Variants in MED13L observed in about 807,000 individuals in gnomAD.
The protein encoded by MED13L is mediator complex subunit 13L.
MED13L carries 7 observed loss-of-function variants against 220.9 expected under a neutral mutation model. The ratio of observed to expected loss-of-function variants is 0.03; its 90% CI spans 0.02 to 0.06. The LOEUF is 0.06. Among genes scored for constraint, MED13L ranks in the 10% least tolerant of loss-of-function variants. The pLI is 1.00. For missense variants in MED13L, 1,965 were observed against 2,760.5 expected, an observed-to-expected ratio of 0.71 and a Z score of 6.46; for synonymous variants, 1,011 against 1,015.2, an observed-to-expected ratio of 1.00 and a Z score of 0.08.
chr12:115,964,526 T>C (rs1876004067), intron 29 of MED13L, among the ~76,000 whole-genome samples: 1 of 152,234 alleles, frequency 6.6e-6, no homozygotes, highest in Non-Finnish European at 1.5e-5. Context: ...TAAATGCTTC[T>C]TTCTCTTTAT....
At chr12:116,111,281 TAGAAAG>T (rs1874056616) in intron 3 of MED13L, 141 bp downstream of exon 3, 1 of 700,498 alleles carries the variant, frequency 1.4e-6, no homozygotes, top group Non-Finnish European at 2.5e-6. Flanking sequence ...ATTATATCAA[TAGAAAG>T]AGAAACTAAA....
intron 3 of MED13L, 57 bp from the exon 4 acceptor site, chr12:116,096,809 G>A (rs373302551): frequency 9.1e-5 from 117 of 1,291,184 alleles, no homozygotes; most frequent in African/African-American, 9.1e-4. Context: ...TTAGTAAGTC[G>A]CTGAAGCAAT....
chr12:116,049,625 T>C (rs772023385), intron 4 of MED13L, among the ~76,000 whole-genome samples: 12 of 152,202 alleles, frequency 7.9e-5, no homozygotes, highest in Non-Finnish European at 1.3e-4. Flanking sequence ...GTTAAGGATT[T>C]ACAAACATTC....
At chr12:116,157,498 C>T (rs1401984818) in intron 2 of MED13L, among the ~76,000 whole-genome samples, 2 of 152,208 alleles carry the variant, frequency 1.3e-5, no homozygotes, top group African/African-American at 4.8e-5. Flanking sequence ...ACACTTTATG[C>T]CATATACAAG....
rs574079603 is a variant in MED13L, at chr12:115,991,599, C to T, written c.3355G>A (p.Val1119Met). The T allele has an allele frequency of 1.2e-5, 19 of 1,613,958 alleles. No individual in the cohort carries two copies. The highest frequency in any genetic ancestry group is 2.2e-5 in the South Asian group (2 of 91,076). The stretch of plus-strand genomic sequence containing the variant: ...TTTCTGTCTTTAAAGATATTCATCA[C>T]GGAATCGGAGAGAATCAGGGTAACA... ...LYVTLILSDS[V>M]MNIFKDRNFD... The change falls in exon 17 of 31, where the codon GTG becomes ATG. Residue 1119 changes from valine (V) to methionine (M), a missense_variant. Val to Met is a conservative substitution (Grantham distance 21, BLOSUM62 1). Coordinates refer to ENST00000281928, the MANE Select transcript of MED13L (RefSeq NM_015335.5). The surrounding 1 kb of genome is among the most constrained non-coding windows in gnomAD (Gnocchi z 7.7).
chr12:116,095,315 T>C (rs931351429), intron 4 of MED13L, among the ~76,000 whole-genome samples: 7 of 152,174 alleles, frequency 4.6e-5, no homozygotes, highest in African/African-American at 1.4e-4. Flanking sequence ...CCCATACACA[T>C]TGCTACTTTT....
At position 115,996,634 on chromosome 12, in the gene MED13L, T is replaced by A. The variant is rs1878424145; in HGVS notation, c.2838A>T (p.Gly946=). 5 of 1,614,014 alleles carry A rather than the reference T, an allele frequency of 3.1e-6. No individual in the cohort carries two copies. The highest frequency in any genetic ancestry group is 4.2e-6 in the Non-Finnish European group (5 of 1,179,978). The change falls in exon 16 of 31, where the codon GGA becomes GGT. Residue 946 remains glycine (G), a synonymous_variant. Coordinates refer to ENST00000281928, the MANE Select transcript of MED13L (RefSeq NM_015335.5). ...HKVPSFQPFV[G]SSMFAPLKML... is the part of the protein sequence containing the mutation. ...TCTTCAGTGGAGCAAACATGGAGGA[T>A]CCCACAAAAGGTTGAAAGGATGGAA...
chr12:116,041,252 G>A lies in MED13L; in HGVS notation c.480-18651C>T, dbSNP rs188636848. 1.9e-3 allele frequency among the ~76,000 whole-genome samples: 290 copies of A among 152,246 alleles called. 2 individuals carry two copies. Among genetic ancestry groups the A allele is most frequent in the Admixed American group, 0.012 (190 of 15,296 alleles). Reference sequence around the variant, plus strand: ...TTCTCAGGAGATCTGGCTGTTTGATGAGTATGTGTGTGTCTCTCCCCTGCT... The same window carrying A: ...TTCTCAGGAGATCTGGCTGTTTGATAAGTATGTGTGTGTCTCTCCCCTGCT... On this transcript the variant is annotated intron_variant, in intron 4 of 30. Coordinates refer to ENST00000281928, the MANE Select transcript of MED13L (RefSeq NM_015335.5).
At chr12:116,040,614 G>C (rs747021361) in intron 4 of MED13L, among the ~76,000 whole-genome samples, 29 of 152,054 alleles carry the variant, frequency 1.9e-4, no homozygotes, top group Non-Finnish European at 2.6e-4. Flanking sequence ...CCCACTGAAT[G>C]ACTCAGACGG....
intron 4 of MED13L, among the ~76,000 whole-genome samples, chr12:116,052,142 C>T (rs1474842606): frequency 6.6e-6 from 1 of 151,872 alleles, no homozygotes; most frequent in Non-Finnish European, 1.5e-5. Context: ...CTAAGAAACA[C>T]AAAAACAGTT....
chr12:116,146,112 T>C (rs1430366433), intron 2 of MED13L, among the ~76,000 whole-genome samples: 2 of 152,092 alleles, frequency 1.3e-5, no homozygotes, highest in Non-Finnish European at 2.9e-5. Context: ...TGAGCTATTT[T>C]GAGATTTTTT....
intron 2 of MED13L, among the ~76,000 whole-genome samples, chr12:116,141,841 T>C (rs1877104522): frequency 1.3e-5 from 2 of 152,116 alleles, no homozygotes; most frequent in Non-Finnish European, 2.9e-5. Context: ...AACCCTTCAA[T>C]GGCTTCTCAA....
At chr12:115,972,476 T>G in intron 25 of MED13L, 1 of 503,860 alleles carries the variant, frequency 2.0e-6, no homozygotes, top group South Asian at 1.9e-5. Context: ...GAAATGACCT[T>G]TGAGAGTCCA....
intron 2 of MED13L, among the ~76,000 whole-genome samples, chr12:116,225,792 A>T (rs918190915): frequency 7.9e-5 from 12 of 152,238 alleles, no homozygotes; most frequent in African/African-American, 2.7e-4. Flanking sequence ...TCCCTTATTC[A>T]AGCAGTCTTT....
intron 3 of MED13L, chr12:116,110,374 T>C (rs1231394864): frequency 6.6e-6 from 1 of 150,530 alleles, no homozygotes; most frequent in Non-Finnish European, 1.5e-5. Flanking sequence ...AATAAATAAA[T>C]AAATAAATAA....
chr12:116,241,401 CTTAT>C (rs1168579814), intron 1 of MED13L, among the ~76,000 whole-genome samples: 7 of 151,298 alleles, frequency 4.6e-5, no homozygotes, highest in Admixed American at 2.0e-4. Context: ...TAACATTAAC[CTTAT>C]TTAAAGTGTT....
intron 2 of MED13L, among the ~76,000 whole-genome samples, chr12:116,119,838 A>ATATATATAT (rs1204568125): frequency 6.3e-5 from 2 of 31,588 alleles, no homozygotes; most frequent in African/African-American, 1.4e-4. Flanking sequence ...AAAAAAAAAA[A>ATATATATAT]ATATATATAT....
chr12:116,141,957 A>G (rs1877120359), intron 2 of MED13L, among the ~76,000 whole-genome samples: 1 of 151,888 alleles, frequency 6.6e-6, no homozygotes, highest in Non-Finnish European at 1.5e-5. Context: ...ACACCACTTG[A>G]GCCATACTGG....
chr12:116,213,288 T>C (rs1882814467), intron 2 of MED13L, among the ~76,000 whole-genome samples: 2 of 152,146 alleles, frequency 1.3e-5, no homozygotes, highest in African/African-American at 4.8e-5. Context: ...ATCTCCCAGC[T>C]GCAATAAACT....
Sources: allele counts gnomAD v4.1 joint callset (sites outside exome capture counted in the v4.1 genomes callset), GRCh38; gene constraint gnomAD v4.1.1; non-coding constraint Gnocchi (gnomAD v3.1); transcripts MANE v1.5; gene names NCBI Gene and HGNC (gene_info 2026-07-23, HGNC 2026-07-21).